RSPO2: variants seen among roughly 807,000 people sequenced by gnomAD.
RSPO2 encodes R-spondin-2.
A neutral mutation model predicts 30.9 loss-of-function variants in RSPO2; 14 were observed. The observed-to-expected ratio is 0.45, with a 90% confidence interval of 0.30 to 0.71. The LOEUF (loss-of-function observed/expected upper bound fraction) is 0.71, where lower values mean the gene tolerates loss of function less well. Among genes scored for constraint, RSPO2 ranks in the 30% least tolerant of loss-of-function variants. The pLI, the probability that RSPO2 is intolerant of heterozygous loss-of-function variation, is 0.08. For synonymous variants in RSPO2, 107 were observed against 96.4 expected (o/e 1.11, Z -0.64); for missense variants, 264 against 301.9 (o/e 0.87, Z 0.93).
chr8:107,957,961 C>T (rs1480560984), intron 5 of RSPO2, 119 bp downstream of exon 5: 3 of 680,526 alleles, frequency 4.4e-6, no homozygotes, highest in African/African-American at 3.6e-5. Flanking sequence ...TTTATCCCCT[C>T]ACCAATATTA....
intron 2 of RSPO2, among the ~76,000 whole-genome samples, chr8:108,061,729 TAC>T (rs1245070363): frequency 4.6e-5 from 7 of 151,856 alleles, no homozygotes; most frequent in Non-Finnish European, 1.0e-4. Context: ...CAACAGAATA[TAC>T]ATTCTTCTCA....
At chr8:107,971,360 T>G (rs959434997) in intron 3 of RSPO2, among the ~76,000 whole-genome samples, 1 of 152,210 alleles carries the variant, frequency 6.6e-6, no homozygotes, top group Non-Finnish European at 1.5e-5. Flanking sequence ...AAAAATCATA[T>G]AGCCAACTTT....
At chr8:107,925,285 C>T (rs1586548241) in intron 5 of RSPO2, among the ~76,000 whole-genome samples, 1 of 151,418 alleles carries the variant, frequency 6.6e-6, no homozygotes, top group East Asian at 1.9e-4. Context: ...CACCTGTACC[C>T]CAAAAACTAT....
chr8:108,074,326 T>C (rs1304512035), intron 2 of RSPO2, among the ~76,000 whole-genome samples: 5 of 152,226 alleles, frequency 3.3e-5, no homozygotes, highest in African/African-American at 9.6e-5. Flanking sequence ...AGATATTTAA[T>C]ACCTTTGCTC....
chr8:107,906,033 A>C (rs531748387), intron 5 of RSPO2, among the ~76,000 whole-genome samples: 2 of 152,054 alleles, frequency 1.3e-5, no homozygotes, highest in South Asian at 2.1e-4. Flanking sequence ...AAAAGTAAAA[A>C]TATCTAACAC....
chr8:107,917,808 T>A (rs554255210), intron 5 of RSPO2, among the ~76,000 whole-genome samples: 2 of 152,338 alleles, frequency 1.3e-5, no homozygotes, highest in East Asian at 3.9e-4. Flanking sequence ...CATTAATAGT[T>A]ATAATTGTTA....
intron 2 of RSPO2, among the ~76,000 whole-genome samples, chr8:108,025,238 C>T (rs940617948): frequency 6.6e-5 from 10 of 152,086 alleles, no homozygotes; most frequent in African/African-American, 2.4e-4. Context: ...TTCTAAATAC[C>T]ATTCTCAACT....
chr8:107,900,646 A>G lies in RSPO2; in HGVS notation c.*429T>C, dbSNP rs1482996320. The G allele has an allele frequency of 6.4e-6, 1 of 156,250 alleles. No homozygotes were observed. Among genetic ancestry groups the G allele is most frequent in the East Asian group, 1.9e-4 (1 of 5,350 alleles). 9.7% of individuals were successfully genotyped at this position (156,250 alleles called of 1,614,324 possible). On this transcript the variant is annotated 3_prime_UTR_variant, in exon 6 of 6. Coordinates refer to ENST00000276659, the MANE Select transcript of RSPO2 (RefSeq NM_178565.5). ...TAACATGCTGAGAATACCATGTGGT[A>G]ACACTAAGCAGATATCCACACAAAC...
rs1814884856 is a variant in RSPO2 at position 107,992,632 on chromosome 8, T to C, written c.95-3388A>G. 2.0e-5 allele frequency among the ~76,000 whole-genome samples: 3 copies of C among 152,278 alleles called. No individual in the cohort carries two copies. The South Asian group carries it at 6.2e-4, about 32-fold the overall frequency. ...ATTAATTTCCAGATAAAGACATGAG[T>C]TCTTAGATTAAAAATTAAGAGACCA... On this transcript the variant is annotated intron_variant, in intron 2 of 5. Transcript: ENST00000276659.
chr8:107,910,007 A>C (rs1248178132), intron 5 of RSPO2, among the ~76,000 whole-genome samples: 1 of 152,200 alleles, frequency 6.6e-6, no homozygotes, highest in African/African-American at 2.4e-5. Context: ...ATAAATATCA[A>C]GCTCATTTGG....
At chr8:108,047,881 C>T (rs1379571150) in intron 2 of RSPO2, among the ~76,000 whole-genome samples, 3 of 150,706 alleles carry the variant, frequency 2.0e-5, no homozygotes, top group Non-Finnish European at 4.4e-5. Context: ...GCAGCAGCAG[C>T]AGCCTGTGAT....
Position 107,900,683 on chromosome 8 carries a change from A to T in RSPO2, c.*392T>A, listed in dbSNP as rs116275612. The T allele has an allele frequency of 0.016, 2,590 of 163,086 alleles. 60 individuals are homozygous for T. Among genetic ancestry groups the T allele is most frequent in the African/African-American group, 0.053 (2,225 of 41,956 alleles). The allele number at this position is 163,086 out of a possible 1,614,324, so 10.1% of individuals were successfully genotyped here. A position where few individuals can be genotyped will look rare whatever the true frequency, so the allele number is the denominator to read the frequency against. ...ATATCCACACAAACATATCCTTGAA[A>T]ATGCACAATGTGAGAAATAAAGGTC... On this transcript the variant is annotated 3_prime_UTR_variant, in exon 6 of 6. Transcript: ENST00000276659.
In RSPO2 at chr8:107,960,881, T is replaced by C. The variant is rs1293209058; in HGVS notation, c.284-64A>G. 4.5e-6 allele frequency: 6 copies of C among 1,324,752 alleles called. No individual in the cohort carries two copies. In the African/African-American group the frequency reaches 9.0e-5, roughly 20 times the overall value. The allele number at this position is 1,324,752 out of a possible 1,614,324, so 82.1% of individuals were successfully genotyped here. On this transcript the variant is annotated intron_variant, in intron 3 of 5. Transcript: ENST00000276659. ...CAAAGAAATTTACTTGTTTTACAAA[T>C]AAAATTTTTGTAAACTCACAAGTTA...
chr8:107,996,876 G>A (rs1197502796), intron 2 of RSPO2: 1 of 452,028 alleles, frequency 2.2e-6, no homozygotes, highest in East Asian at 7.0e-5. Flanking sequence ...AACCTCAACA[G>A]ACTTAAACAA....
chr8:107,919,609 G>C (rs775596431), intron 5 of RSPO2, among the ~76,000 whole-genome samples: 9 of 152,116 alleles, frequency 5.9e-5, no homozygotes, highest in Non-Finnish European at 1.3e-4. Context: ...GCTGGCACCA[G>C]CCAGTTTGAT....
At chr8:107,984,823 G>A (rs1814570123) in intron 3 of RSPO2, among the ~76,000 whole-genome samples, 2 of 152,146 alleles carry the variant, frequency 1.3e-5, no homozygotes, top group Non-Finnish European at 2.9e-5. Context: ...TACAAGTCAG[G>A]ATGGTAGTTA....
chr8:108,058,573 C>T (rs1470128170), intron 2 of RSPO2, among the ~76,000 whole-genome samples: 6 of 152,030 alleles, frequency 3.9e-5, no homozygotes, highest in Middle Eastern at 3.4e-3. Flanking sequence ...AAGCTGGAGG[C>T]ATCACACTAC....
At position 107,964,308 on chromosome 8, in the gene RSPO2, T is replaced by C. The variant is rs1180252680; in HGVS notation, c.284-3491A>G. Among the ~76,000 whole-genome samples the C allele has an allele frequency of 2.6e-5, 4 of 152,258 alleles. 1 individual carries two copies. The highest frequency in any genetic ancestry group is 5.9e-5 in the Non-Finnish European group (4 of 68,050). On this transcript the variant is annotated intron_variant, in intron 3 of 5. Coordinates refer to ENST00000276659, the MANE Select transcript of RSPO2 (RefSeq NM_178565.5). ...CCCAGGCAGGAGTGCAATGGCACAA[T>C]CTCGGCTCACTGCGACCTCTGCCTC...
chr8:108,060,686 C>T (rs970587489), intron 2 of RSPO2, among the ~76,000 whole-genome samples: 3 of 151,692 alleles, frequency 2.0e-5, no homozygotes, highest in Admixed American at 1.3e-4. Context: ...ACAGAGAACG[C>T]CACAAAGATA....
Sources: gnomAD v4.1 joint callset for allele counts (sites outside exome capture counted in the v4.1 genomes callset) on GRCh38, gnomAD v4.1.1 for gene constraint, MANE v1.5 for transcripts, NCBI Gene and HGNC (gene_info 2026-07-23, HGNC 2026-07-21) for gene names.